TBC1D22A: variants seen among roughly 807,000 people sequenced by gnomAD.
TBC1D22A encodes TBC1 domain family member 22A, also known as putative GTPase activator.
In TBC1D22A, 38 loss-of-function variants were observed where a neutral mutation model predicts 60.2. The ratio of observed to expected loss-of-function variants is 0.63; its 90% confidence interval spans 0.49 to 0.83. The LOEUF (loss-of-function observed/expected upper bound fraction) is 0.83. Among genes scored for constraint, TBC1D22A ranks in the 40% least tolerant of loss-of-function variants. The pLI is 0.00. For missense variants in TBC1D22A, 628 were observed against 701.0 expected, an observed-to-expected ratio of 0.90 and a Z score of 1.18; for synonymous variants, 302 against 281.7, an observed-to-expected ratio of 1.07 and a Z score of -0.72.
intron 12 of TBC1D22A, among the ~76,000 whole-genome samples, chr22:47,134,639 G>T (rs2066794830): frequency 6.6e-6 from 1 of 152,218 alleles, no homozygotes; most frequent in African/African-American, 2.4e-5. Context: ...TGTCCTGTGG[G>T]ACCCTCCCTG....
intron 4 of TBC1D22A, among the ~76,000 whole-genome samples, chr22:46,815,268 C>T (rs766722682): frequency 6.6e-5 from 10 of 152,146 alleles, no homozygotes; most frequent in South Asian, 2.1e-4. Flanking sequence ...AGCTGTGCGG[C>T]GGTCGCTTGT....
chr22:46,906,933 GCT>G (rs1259317905), intron 7 of TBC1D22A, among the ~76,000 whole-genome samples: 1 of 152,042 alleles, frequency 6.6e-6, no homozygotes, highest in Non-Finnish European at 1.5e-5. Context: ...GTGCGCGTGT[GCT>G]CTCTGTGCAC....
intron 11 of TBC1D22A, among the ~76,000 whole-genome samples, chr22:47,095,752 C>G (rs2065147290): frequency 1.3e-5 from 2 of 152,222 alleles, no homozygotes; most frequent in South Asian, 4.1e-4. Context: ...AGGGAACAAT[C>G]CTGCAGGGAG....
intron 12 of TBC1D22A, among the ~76,000 whole-genome samples, chr22:47,165,136 G>A (rs1007888324): frequency 1.3e-5 from 2 of 152,124 alleles, no homozygotes; most frequent in Admixed American, 6.5e-5. Context: ...CTCCTGCTCT[G>A]TCAAGTGTGG....
intron 4 of TBC1D22A, among the ~76,000 whole-genome samples, chr22:46,798,051 T>C (rs1274233943): frequency 6.6e-6 from 1 of 152,098 alleles, no homozygotes; most frequent in East Asian, 1.9e-4. Flanking sequence ...TTTTAAACAA[T>C]TTTTTCTACA....
chr22:46,901,490 C>T (rs991229696), intron 7 of TBC1D22A, among the ~76,000 whole-genome samples: 27 of 152,182 alleles, frequency 1.8e-4, no homozygotes, highest in African/African-American at 4.1e-4. Context: ...TGTAAATTAA[C>T]GTATTTGAAT....
At chr22:47,056,144 T>C (rs2063386181) in intron 11 of TBC1D22A, among the ~76,000 whole-genome samples, 1 of 152,032 alleles carries the variant, frequency 6.6e-6, no homozygotes, top group Non-Finnish European at 1.5e-5. Context: ...CAAAAAAGTC[T>C]CTCAGGAAGA....
chr22:46,881,835 G>C (rs897359032), intron 5 of TBC1D22A, among the ~76,000 whole-genome samples: 7 of 152,202 alleles, frequency 4.6e-5, no homozygotes, highest in African/African-American at 1.7e-4. Flanking sequence ...CTGTGTTGGT[G>C]AGCACTGATG....
chr22:46,864,093 G>T (rs546838942), intron 4 of TBC1D22A, among the ~76,000 whole-genome samples: 2 of 152,158 alleles, frequency 1.3e-5, no homozygotes, highest in African/African-American at 4.8e-5. Flanking sequence ...ATGCCTCCAC[G>T]TGCATATTCC....
intron 11 of TBC1D22A, among the ~76,000 whole-genome samples, chr22:47,072,937 A>G (rs547685746): frequency 1.3e-5 from 2 of 152,204 alleles, no homozygotes; most frequent in Non-Finnish European, 2.9e-5. Context: ...ACACTCCTAT[A>G]TGAAGGATGG....
At chr22:47,092,242 G>A (rs996645942) in intron 11 of TBC1D22A, among the ~76,000 whole-genome samples, 1 of 152,190 alleles carries the variant, frequency 6.6e-6, no homozygotes, top group African/African-American at 2.4e-5. Context: ...TACCTAGAGG[G>A]ATGCACTGTG....
intron 11 of TBC1D22A, among the ~76,000 whole-genome samples, chr22:47,046,569 C>T (rs2063039557): frequency 6.6e-6 from 1 of 152,170 alleles, no homozygotes; most frequent in Non-Finnish European, 1.5e-5. Flanking sequence ...CACAGTGCCA[C>T]TCACATTTGA....
At chr22:46,785,004 CAT>C (rs1181548516) in intron 1 of TBC1D22A, among the ~76,000 whole-genome samples, 1 of 152,230 alleles carries the variant, frequency 6.6e-6, no homozygotes, top group East Asian at 1.9e-4. Context: ...GTCAGAGAGA[CAT>C]CCAAGACATT....
At chr22:46,889,984 A>G (rs2068313445) in intron 5 of TBC1D22A, among the ~76,000 whole-genome samples, 1 of 152,240 alleles carries the variant, frequency 6.6e-6, no homozygotes. Context: ...TATTTTATAA[A>G]TTAGAATTGG....
chr22:46,961,443 G>C (rs2073500028), intron 8 of TBC1D22A, among the ~76,000 whole-genome samples: 2 of 152,158 alleles, frequency 1.3e-5, no homozygotes, highest in South Asian at 4.1e-4. Context: ...GTTACATTTA[G>C]CTTTTCAAGC....
chr22:46,857,390 G>A (rs1008551887), intron 4 of TBC1D22A, among the ~76,000 whole-genome samples: 2 of 152,306 alleles, frequency 1.3e-5, no homozygotes, highest in Non-Finnish European at 2.9e-5. Context: ...CTGTAGTCCC[G>A]CAGCAGAGGG....
chr22:47,056,259 T>C (rs549925004), intron 11 of TBC1D22A, among the ~76,000 whole-genome samples: 116 of 152,178 alleles, frequency 7.6e-4, no homozygotes, highest in Non-Finnish European at 1.1e-3. Context: ...CTGGGTGCCC[T>C]TGGGGCTCTG....
intron 9 of TBC1D22A, among the ~76,000 whole-genome samples, chr22:46,993,400 C>G (rs564664458): frequency 6.6e-6 from 1 of 152,164 alleles, no homozygotes; most frequent in Non-Finnish European, 1.5e-5. Context: ...TAAATTATAT[C>G]CTTTTTTAAA....
At chr22:46,985,538 A>G (rs1177865189) in intron 9 of TBC1D22A, among the ~76,000 whole-genome samples, 5 of 152,234 alleles carry the variant, frequency 3.3e-5, no homozygotes, top group Non-Finnish European at 7.3e-5. Flanking sequence ...AAAAAATTCA[A>G]TTTACAGTAG....
Sources: gnomAD v4.1 joint callset for allele counts (sites outside exome capture counted in the v4.1 genomes callset) on GRCh38, gnomAD v4.1.1 for gene constraint, MANE v1.5 for transcripts, NCBI Gene and HGNC (gene_info 2026-07-23, HGNC 2026-07-21) for gene names.